Variants in FAT3 observed in about 807,000 individuals in gnomAD.
FAT3 encodes protocadherin Fat 3.
FAT3 carries 95 observed loss-of-function variants against 310.2 expected under a neutral mutation model. The observed-to-expected ratio is 0.31, with a 90% confidence interval of 0.26 to 0.36. The LOEUF (loss-of-function observed/expected upper bound fraction) is 0.36, where lower values mean the gene tolerates loss of function less well. Among genes scored for constraint, FAT3 ranks in the 10% least tolerant of loss-of-function variants. The pLI is 1.00. For missense variants in FAT3, 5,408 were observed against 5,715.6 expected, an observed-to-expected ratio of 0.95 and a Z score of 1.74; for synonymous variants, 2,314 against 2,192.9, an observed-to-expected ratio of 1.06 and a Z score of -1.54.
chr11:92,535,436 G>A (rs867682140), intron 3 of FAT3, among the ~76,000 whole-genome samples: 3 of 152,288 alleles, frequency 2.0e-5, no homozygotes, highest in South Asian at 4.1e-4. Context: ...AGTTTGTGGT[G>A]CTTGGTTACA....
At chr11:92,408,310 A>T (rs1950178373) in intron 2 of FAT3, 1 of 152,202 alleles carries the variant, frequency 6.6e-6, no homozygotes, top group Admixed American at 6.6e-5. Flanking sequence ...TGTAGCCACA[A>T]AGTGGGGTTA....
intron 1 of FAT3, among the ~76,000 whole-genome samples, chr11:92,238,177 T>A (rs1440015316): frequency 6.6e-6 from 1 of 152,074 alleles, no homozygotes; most frequent in Non-Finnish European, 1.5e-5. Flanking sequence ...AATCTGGGTG[T>A]GGGCCCAAAG....
At chr11:92,888,403 A>T (rs2136434756) in intron 25 of FAT3, among the ~76,000 whole-genome samples, 1 of 152,260 alleles carries the variant, frequency 6.6e-6, no homozygotes, top group African/African-American at 2.4e-5. Flanking sequence ...TCCAACAATG[A>T]TGCCTGGTTA....
chr11:92,829,064 C>A (rs1458489442), intron 13 of FAT3, among the ~76,000 whole-genome samples: 3 of 152,184 alleles, frequency 2.0e-5, no homozygotes, highest in African/African-American at 7.2e-5. Context: ...TCAGAAATTA[C>A]CTTCTTCCAT....
intron 1 of FAT3, among the ~76,000 whole-genome samples, chr11:92,252,287 G>T (rs1468626047): frequency 1.3e-5 from 2 of 152,118 alleles, no homozygotes; most frequent in African/African-American, 2.4e-5. Context: ...TTGGAATTGA[G>T]AGCTCTTTCT....
At chr11:92,360,112 C>T (rs545485142) in intron 2 of FAT3, among the ~76,000 whole-genome samples, 6 of 152,268 alleles carry the variant, frequency 3.9e-5, no homozygotes, top group South Asian at 2.1e-4. Context: ...TAAACCCCAT[C>T]GTCTCAGCCC....
chr11:92,390,783 C>T lies in FAT3; in HGVS notation c.3292+35379C>T, dbSNP rs528934492. ...CAGGACCTCCAGGAATGGGTAGAAG[C>T]TGGGAGGACTGAGGGTGAGAGGAGC... On this transcript the variant is annotated intron_variant, in intron 2 of 27. Coordinates refer to ENST00000525166, the MANE Select transcript of FAT3 (RefSeq NM_001367949.2). Among the ~76,000 whole-genome samples, 28 of 152,262 alleles carry T rather than the reference C, an allele frequency of 1.8e-4. 1 individual carries two copies. The highest frequency in any genetic ancestry group is 6.0e-4 in the African/African-American group (25 of 41,562).
chr11:92,812,572 A>C (rs1354420693), intron 13 of FAT3, among the ~76,000 whole-genome samples: 1 of 150,856 alleles, frequency 6.6e-6, no homozygotes, highest in Non-Finnish European at 1.5e-5. Context: ...ACAGAGCAAG[A>C]CTCCATCTCA....
At chr11:92,803,414 A>G (rs1268528763) in intron 10 of FAT3, among the ~76,000 whole-genome samples, 3 of 152,250 alleles carry the variant, frequency 2.0e-5, no homozygotes, top group Non-Finnish European at 4.4e-5. Context: ...TAATCATTTT[A>G]TGTAACAAAA....
At chr11:92,581,194 C>T (rs534667442) in intron 3 of FAT3, among the ~76,000 whole-genome samples, 1 of 152,168 alleles carries the variant, frequency 6.6e-6, no homozygotes, top group East Asian at 1.9e-4. Flanking sequence ...CAGAGCTTTG[C>T]TGTCCTCCTT....
At chr11:92,436,805 G>A (rs925719090) in intron 2 of FAT3, among the ~76,000 whole-genome samples, 1 of 152,126 alleles carries the variant, frequency 6.6e-6, no homozygotes, top group Non-Finnish European at 1.5e-5. Context: ...CCTGCTCTGT[G>A]TTGTTTTGCT....
intron 19 of FAT3, among the ~76,000 whole-genome samples, chr11:92,849,421 C>T (rs1029820850): frequency 1.3e-5 from 2 of 152,210 alleles, no homozygotes; most frequent in African/African-American, 4.8e-5. Context: ...ACCAGGACCT[C>T]TCTCCTTGTC....
At chr11:92,691,042 TG>T (rs1390189895) in intron 3 of FAT3, among the ~76,000 whole-genome samples, 2 of 152,220 alleles carry the variant, frequency 1.3e-5, no homozygotes, top group Admixed American at 1.3e-4. Context: ...CCCGATTGGG[TG>T]ACCCACCCAG....
At chr11:92,547,888 G>A (rs1954665977) in intron 3 of FAT3, among the ~76,000 whole-genome samples, 1 of 152,188 alleles carries the variant, frequency 6.6e-6, no homozygotes, top group African/African-American at 2.4e-5. Flanking sequence ...TAGCTGATGT[G>A]TGGAGGGCTG....
chr11:92,586,752 G>T (rs1306149937), intron 3 of FAT3, among the ~76,000 whole-genome samples: 2 of 151,852 alleles, frequency 1.3e-5, no homozygotes, highest in African/African-American at 4.8e-5. Context: ...TCTGAATAAT[G>T]GTAATATTTT....
At chr11:92,326,345 C>G (rs999341804) in intron 1 of FAT3, among the ~76,000 whole-genome samples, 1 of 152,196 alleles carries the variant, frequency 6.6e-6, no homozygotes, top group Non-Finnish European at 1.5e-5. Context: ...ATATTGCAGA[C>G]TTCAGCCTAG....
intron 19 of FAT3, among the ~76,000 whole-genome samples, chr11:92,846,831 C>G (rs1415268649): frequency 6.6e-6 from 1 of 152,196 alleles, no homozygotes; most frequent in Non-Finnish European, 1.5e-5. Flanking sequence ...AGGCCAAGCT[C>G]TCAGCCTTTT....
At position 92,358,159 on chromosome 11, in the gene FAT3, A is replaced by G. The variant is rs144189538; in HGVS notation, c.3292+2755A>G. Among the ~76,000 whole-genome samples the G allele has an allele frequency of 7.3e-3, 1,115 of 152,238 alleles. 23 individuals carry two copies. The highest frequency in any genetic ancestry group is 0.025 in the African/African-American group (1,032 of 41,550). On this transcript the variant is annotated intron_variant, in intron 2 of 27. Transcript: ENST00000525166. ...ACCACTGCACTCTAGCCTGGGTGAC[A>G]GAGTGACACGCTGTCTTAAAAAAAT...
At chr11:92,834,379 A>G (rs188961276) in intron 14 of FAT3, among the ~76,000 whole-genome samples, 21 of 152,310 alleles carry the variant, frequency 1.4e-4, no homozygotes, top group African/African-American at 4.1e-4. Flanking sequence ...TGTTTTAGAT[A>G]AGTGCATTTT....
Sources: allele counts gnomAD v4.1 joint callset (sites outside exome capture counted in the v4.1 genomes callset), GRCh38; gene constraint gnomAD v4.1.1; transcripts MANE v1.5; gene names NCBI Gene and HGNC (gene_info 2026-07-23, HGNC 2026-07-21).